The following SLC24A2 variants were observed in gnomAD, a reference collection of about 807,000 sequenced individuals.
SLC24A2 encodes solute carrier family 24 member 2.
In SLC24A2, 36 loss-of-function variants were observed where a neutral mutation model predicts 62.0. The ratio of observed to expected loss-of-function variants is 0.58; its 90% CI spans 0.44 to 0.77. The LOEUF is 0.77. SLC24A2 is among the 30% of genes least tolerant of loss of function. The pLI is 0.00. For missense variants in SLC24A2, 846 were observed against 817.9 expected, an observed-to-expected ratio of 1.03 and a Z score of -0.42; for synonymous variants, 358 against 294.0, an observed-to-expected ratio of 1.22 and a Z score of -2.23.
chr9:19,694,634 A>G (rs1052631947), intron 2 of SLC24A2, among the ~76,000 whole-genome samples: 2 of 152,220 alleles, frequency 1.3e-5, no homozygotes, highest in South Asian at 2.1e-4. Flanking sequence ...TCAATTGCAC[A>G]TATTTTAAAA....
chr9:19,530,395 G>C (rs528975009), intron 8 of SLC24A2, among the ~76,000 whole-genome samples: 35 of 152,228 alleles, frequency 2.3e-4, no homozygotes, highest in African/African-American at 7.9e-4. Flanking sequence ...TTAAGGTGTG[G>C]CATAAGTACT....
At chr9:20,048,682 C>A in the SLC24A2 span, among the ~76,000 whole-genome samples, 45 of 151,676 alleles carry the variant, frequency 3.0e-4, no homozygotes, top group African/African-American at 1.1e-3. Context: ...GGGGAAATAC[C>A]GATTCATTCA....
the SLC24A2 span, among the ~76,000 whole-genome samples, chr9:19,952,387 G>C: frequency 2.6e-5 from 4 of 152,076 alleles, no homozygotes; most frequent in East Asian, 7.7e-4. Flanking sequence ...CTAGATCTTA[G>C]ATATAAAGCA....
chr9:20,288,741 CAAAAAAAAAAA>C, the SLC24A2 span, among the ~76,000 whole-genome samples: 3 of 79,240 alleles, frequency 3.8e-5, no homozygotes, highest in African/African-American at 1.1e-4. Context: ...GACTCTGTCT[CAAAAAAAAAAA>C]AAAAAAAAAA....
intron 8 of SLC24A2, among the ~76,000 whole-genome samples, chr9:19,529,844 G>A (rs1275454862): frequency 6.6e-6 from 1 of 151,078 alleles, no homozygotes; most frequent in African/African-American, 2.4e-5. Flanking sequence ...TCTGCCTCCT[G>A]GGTCAAGCAA....
chr9:19,813,992 G>A, the SLC24A2 span, among the ~76,000 whole-genome samples: 5 of 151,916 alleles, frequency 3.3e-5, no homozygotes, highest in Non-Finnish European at 7.4e-5. Context: ...TTGCTATAGG[G>A]GCCCAAATGA....
the SLC24A2 span, among the ~76,000 whole-genome samples, chr9:20,232,655 T>C: frequency 6.6e-6 from 1 of 152,228 alleles, no homozygotes; most frequent in Non-Finnish European, 1.5e-5. Flanking sequence ...GCTAGCGGTC[T>C]ATCAATTTTG....
At chr9:20,073,481 A>T in the SLC24A2 span, among the ~76,000 whole-genome samples, 1 of 152,120 alleles carries the variant, frequency 6.6e-6, no homozygotes, top group Non-Finnish European at 1.5e-5. Context: ...CTATTCATAG[A>T]TCCCACCAAC....
the SLC24A2 span, among the ~76,000 whole-genome samples, chr9:19,960,442 G>C: frequency 6.6e-6 from 1 of 152,178 alleles, no homozygotes; most frequent in Non-Finnish European, 1.5e-5. Context: ...CAATGAGGTG[G>C]AAGGCAATAA....
chr9:20,252,526 G>A, the SLC24A2 span, among the ~76,000 whole-genome samples: 2 of 152,182 alleles, frequency 1.3e-5, no homozygotes, highest in African/African-American at 2.4e-5. Context: ...AACAGGGATA[G>A]AGCACTTGTT....
the SLC24A2 span, among the ~76,000 whole-genome samples, chr9:20,032,427 A>G: frequency 6.6e-6 from 1 of 152,216 alleles, no homozygotes; most frequent in Non-Finnish European, 1.5e-5. Flanking sequence ...AGTATTAATT[A>G]GTTTGTAAAG....
chr9:20,098,256 A>G, the SLC24A2 span, among the ~76,000 whole-genome samples: 1 of 152,192 alleles, frequency 6.6e-6, no homozygotes, highest in Non-Finnish European at 1.5e-5. Context: ...TTGATATCAG[A>G]CTATATTACT....
the SLC24A2 span, among the ~76,000 whole-genome samples, chr9:20,263,411 G>C: frequency 6.6e-6 from 1 of 151,984 alleles, no homozygotes; most frequent in Non-Finnish European, 1.5e-5. Context: ...ACCACACCTG[G>C]CTATTTTTTA....
Position 19,708,019 on chromosome 9 carries a change from C to A in SLC24A2, c.930+77918G>T, listed in dbSNP as rs577777604. ...ATCTATAAAACCCCATTGTCTCAGC[C>A]CTAAATCTCCTTAAGCTGATAAGCA... On this transcript the variant is annotated intron_variant, in intron 2 of 10. Coordinates refer to ENST00000341998, the MANE Select transcript of SLC24A2 (RefSeq NM_020344.4). Among the ~76,000 whole-genome samples the A allele has an allele frequency of 3.9e-5, 6 of 152,204 alleles. No individual in the cohort carries two copies. In the South Asian group the frequency reaches 1.2e-3, roughly 32 times the overall value.
At chr9:19,743,221 G>C (rs539037996) in intron 2 of SLC24A2, among the ~76,000 whole-genome samples, 1 of 152,296 alleles carries the variant, frequency 6.6e-6, no homozygotes, top group South Asian at 2.1e-4. Context: ...AGTTACGGCT[G>C]AGTTGGACAA....
chr9:19,634,326 T>A (rs946693891), intron 2 of SLC24A2, among the ~76,000 whole-genome samples: 4 of 147,906 alleles, frequency 2.7e-5, no homozygotes, highest in Non-Finnish European at 4.5e-5. Context: ...TTTGCTCTTG[T>A]TGCCCAGGCT....
At chr9:20,181,302 G>A in the SLC24A2 span, among the ~76,000 whole-genome samples, 7 of 151,930 alleles carry the variant, frequency 4.6e-5, no homozygotes, top group East Asian at 1.3e-3. Flanking sequence ...AGGACTAAAT[G>A]TGATGATGTA....
At chr9:20,037,342 C>G in the SLC24A2 span, among the ~76,000 whole-genome samples, 1 of 151,986 alleles carries the variant, frequency 6.6e-6, no homozygotes, top group African/African-American at 2.4e-5. Flanking sequence ...ACTTTTTTTG[C>G]CTGAATGTTT....
chr9:19,656,391 G>A (rs1818942812), intron 2 of SLC24A2, among the ~76,000 whole-genome samples: 1 of 152,056 alleles, frequency 6.6e-6, no homozygotes, highest in Admixed American at 6.5e-5. Context: ...ACTCATTTTG[G>A]CCTTCAAAAC....
Sources: allele counts gnomAD v4.1 joint callset (sites outside exome capture counted in the v4.1 genomes callset), GRCh38; gene constraint gnomAD v4.1.1; transcripts MANE v1.5; gene names NCBI Gene and HGNC (gene_info 2026-07-23, HGNC 2026-07-21).